Variants in SHPRH observed in about 807,000 individuals in gnomAD.
SHPRH encodes the protein E3 ubiquitin-protein ligase SHPRH.
SHPRH carries 106 observed loss-of-function variants against 202.5 expected under a neutral mutation model. That is an observed-to-expected ratio of 0.52 (90% confidence interval 0.45 to 0.62). The LOEUF is 0.62. SHPRH is among the 20% of genes least tolerant of loss of function. SHPRH has a pLI of 0.00. For missense variants in SHPRH, 1,710 were observed against 2,020.0 expected (o/e 0.85, Z 2.94); for synonymous variants, 729 against 686.0 (o/e 1.06, Z -0.98).
rs1161626365 is a variant in SHPRH at position 145,928,655 on chromosome 6, T to G, written c.3113-1378A>C. Reference sequence around the variant, plus strand: ...TACATAAAATTTACCATCTCAGCCCTTTTTAAGTGTGTAGTTCAGTGGCAT... The same window carrying G: ...TACATAAAATTTACCATCTCAGCCCGTTTTAAGTGTGTAGTTCAGTGGCAT... On this transcript the variant is annotated intron_variant, in intron 14 of 29. Transcript: ENST00000275233. 3.9e-5 allele frequency among the ~76,000 whole-genome samples: 6 copies of G among 152,098 alleles called. No individual in the cohort carries two copies. In the Middle Eastern group the frequency reaches 0.014, roughly 345 times the overall value.
At chr6:145,958,376 T>C (rs1397397253) in intron 1 of SHPRH, among the ~76,000 whole-genome samples, 3 of 152,202 alleles carry the variant, frequency 2.0e-5, no homozygotes, top group African/African-American at 7.2e-5. Context: ...TAAGTATAAC[T>C]TTATTCAATA....
chr6:145,918,655 G>A (rs1209819862), intron 22 of SHPRH: 1 of 152,964 alleles, frequency 6.5e-6, no homozygotes, highest in African/African-American at 2.4e-5. Flanking sequence ...ACAGCAGACA[G>A]AGAAGGAACA....
chr6:145,945,044 C>G (rs1787218124), intron 8 of SHPRH, among the ~76,000 whole-genome samples: 1 of 152,002 alleles, frequency 6.6e-6, no homozygotes, highest in South Asian at 2.1e-4. Context: ...AATAGATGCC[C>G]TGTGTCTTAA....
chr6:145,901,651 G>C (rs1782515164), intron 25 of SHPRH, among the ~76,000 whole-genome samples: 1 of 152,100 alleles, frequency 6.6e-6, no homozygotes, highest in Non-Finnish European at 1.5e-5. Context: ...GGAATGTTAT[G>C]CATTAGGGAA....
intron 9 of SHPRH, among the ~76,000 whole-genome samples, chr6:145,942,599 A>G (rs960460525): frequency 6.6e-6 from 1 of 152,246 alleles, no homozygotes; most frequent in African/African-American, 2.4e-5. Flanking sequence ...TTAGGAAACA[A>G]TAACATTACT....
intron 2 of SHPRH, among the ~76,000 whole-genome samples, chr6:145,953,739 T>C (rs1297299220): frequency 2.6e-5 from 4 of 152,108 alleles, no homozygotes; most frequent in African/African-American, 9.7e-5. Context: ...CTGGCCTGAT[T>C]TTCAACACAA....
intron 2 of SHPRH, among the ~76,000 whole-genome samples, chr6:145,864,932 AACACACACACTCACACACAC>A (rs1382242901): frequency 6.0e-5 from 8 of 133,954 alleles, no homozygotes; most frequent in Admixed American, 5.9e-4. Flanking sequence ...AAAATTTATA[AACACACACACTCACACACAC>A]ACACACACAC....
At chr6:145,902,631 A>C (rs1782599592) in intron 25 of SHPRH, among the ~76,000 whole-genome samples, 1 of 129,862 alleles carries the variant, frequency 7.7e-6, no homozygotes, top group African/African-American at 2.6e-5. Flanking sequence ...CTGAAGACTT[A>C]TTATTGGGGA....
At chr6:145,932,964 TC>T (rs55757353) in intron 14 of SHPRH, 92 bp downstream of exon 14, 198 of 1,149,510 alleles carry the variant, frequency 1.7e-4, no homozygotes, top group Middle Eastern at 8.5e-4. Flanking sequence ...GGGGGAAAAA[TC>T]CCCCCCCCAA....
In SHPRH at chr6:145,943,267, T is replaced by A. The variant is rs749938282; in HGVS notation, c.2114A>T (p.His705Leu). 1 of 1,613,688 alleles carries A rather than the reference T, an allele frequency of 6.2e-7. No homozygotes were observed. ...NLKIKPFYCP[H>L]CLVAMEPVST... is the part of the protein sequence containing the mutation. Reference sequence around the variant, plus strand: ...CACTGGTTCCATTGCAACAAGGCAGTGGGGGCAGTAAAAAGGCTTGATCTT... The same window carrying A: ...CACTGGTTCCATTGCAACAAGGCAGAGGGGGCAGTAAAAAGGCTTGATCTT... Residue 705 changes from histidine to leucine, a missense_variant, in exon 9 of 30, where the codon CAC (histidine) becomes CTC (leucine). By Grantham distance (99) the His-to-Leu change is moderately conservative. Transcript: ENST00000275233.
At chr6:145,872,611 A>C (rs1468749575) in intron 2 of SHPRH, among the ~76,000 whole-genome samples, 1 of 152,240 alleles carries the variant, frequency 6.6e-6, no homozygotes, top group Non-Finnish European at 1.5e-5. Context: ...TAGTTCAACC[A>C]TTGTGGAAAA....
At chr6:145,936,849 A>C (rs1314741216) in intron 11 of SHPRH, among the ~76,000 whole-genome samples, 1 of 152,162 alleles carries the variant, frequency 6.6e-6, no homozygotes, top group East Asian at 1.9e-4. Flanking sequence ...GCAAAGGTCC[A>C]CAGATTTATA....
chr6:145,861,048 A>C (rs1779563077), downstream of SHPRH, among the ~76,000 whole-genome samples: 1 of 152,122 alleles, frequency 6.6e-6, no homozygotes, highest in African/African-American at 2.4e-5. Flanking sequence ...ATAGAGGAAA[A>C]AGTTTGCAGA....
intron 13 of SHPRH, 85 bp from the exon 14 acceptor site, chr6:145,933,263 G>C: frequency 1.3e-6 from 2 of 1,561,612 alleles, no homozygotes; most frequent in East Asian, 2.3e-5. Flanking sequence ...ACATGATCAA[G>C]AGTGTATGAG....
At chr6:145,894,291 G>T in intron 26 of SHPRH, 55 bp from the exon 27 acceptor site, 1 of 1,322,256 alleles carries the variant, frequency 7.6e-7, no homozygotes. Context: ...CTTTATCTAA[G>T]GGTATCTGAA....
chr6:145,867,631 T>TATATATATATAGAGAG (rs1554220329), intron 2 of SHPRH, among the ~76,000 whole-genome samples: 10 of 22,316 alleles, frequency 4.5e-4, no homozygotes, highest in Non-Finnish European at 6.8e-4. Flanking sequence ...TATATATATA[T>TATATATATATAGAGAG]AGAGAGAGAG....
chr6:145,913,468 A>C lies in SHPRH; in HGVS notation c.4326+10T>G, dbSNP rs1418398483. Reference sequence around the variant, plus strand: ...TTTATAAATGCATGTGATGTTTATCATAATTTTACCTGTTTTCCTAGCTGT... The same window carrying C: ...TTTATAAATGCATGTGATGTTTATCCTAATTTTACCTGTTTTCCTAGCTGT... On this transcript the variant is annotated intron_variant, in intron 24 of 29. Coordinates refer to ENST00000275233, the MANE Select transcript of SHPRH (RefSeq NM_001042683.3). The C allele has an allele frequency of 1.4e-5, 23 of 1,602,984 alleles. No individual in the cohort carries two copies. The highest frequency in any genetic ancestry group is 2.0e-5 in the Non-Finnish European group (23 of 1,173,938).
Position 145,867,627 on chromosome 6 carries a change from T to TAG in SHPRH, c.222-3137_222-3136insCT, listed in dbSNP as rs1296301891. Among the ~76,000 whole-genome samples the TAG allele has an allele frequency of 1.9e-3, 102 of 53,770 alleles. 1 individual carries two copies. The highest frequency in any genetic ancestry group is 2.5e-3 in the Non-Finnish European group (77 of 30,746). The allele number at this position is 53,770 out of a possible 152,430, so 35.3% of individuals were successfully genotyped here. ...ATATATATATATATATATATATATA[T>TAG]ATATAGAGAGAGAGAGAGAGAGAGA... On this transcript the variant is annotated intron_variant, in intron 2 of 2. Transcript: ENST00000417762.
At position 145,894,877 on chromosome 6, in the gene SHPRH, G is replaced by T. The variant is rs557043947; in HGVS notation, c.4608+8C>A. 3.7e-6 allele frequency: 6 copies of T among 1,611,590 alleles called. No homozygotes were observed. In the South Asian group the frequency reaches 4.4e-5, roughly 12 times the overall value. On this transcript the variant is annotated splice_region_variant and intron_variant, in intron 26 of 29. Transcript: ENST00000275233. ...AATTAATATTGAGGATGAAAATGTTGATTATACCGTTGAGAAAACGAGTGC... is the reference window on the plus strand; with the variant it reads ...AATTAATATTGAGGATGAAAATGTTTATTATACCGTTGAGAAAACGAGTGC...
Sources: allele counts gnomAD v4.1 joint callset (sites outside exome capture counted in the v4.1 genomes callset), GRCh38; gene constraint gnomAD v4.1.1; transcripts MANE v1.5; gene names NCBI Gene and HGNC (gene_info 2026-07-23, HGNC 2026-07-21).